Variants in TENM1 observed in about 807,000 individuals in gnomAD.
TENM1 encodes the protein teneurin transmembrane protein 1, also known as teneurin-1.
In TENM1, 35 loss-of-function variants were observed where a neutral mutation model predicts 174.8. The observed-to-expected ratio is 0.20, with a 90% CI of 0.15 to 0.27. The LOEUF (loss-of-function observed/expected upper bound fraction) is 0.27, where lower values mean the gene tolerates loss of function less well. Ranked by LOEUF, TENM1 falls within the 10% of genes least tolerant of loss-of-function variation. The pLI, the probability that TENM1 is intolerant of heterozygous loss-of-function variation, is 1.00. For missense variants in TENM1, 1,633 were observed against 2,130.1 expected, an observed-to-expected ratio of 0.77 and a Z score of 4.59; for synonymous variants, 781 against 798.7, an observed-to-expected ratio of 0.98 and a Z score of 0.37.
chrX:125,038,573 G>GA, the TENM1 span, among the ~76,000 whole-genome samples: 1 of 111,003 alleles, frequency 9.0e-6, no homozygotes, highest in African/African-American at 3.3e-5. Context: ...TTTCTCTGAG[G>GA]ACCGAACAGG....
chrX:124,938,220 T>A (rs940678281), intron 1 of TENM1, among the ~76,000 whole-genome samples: 11 of 111,619 alleles, frequency 9.9e-5, no homozygotes, highest in African/African-American at 2.3e-4. Context: ...AAAAGCAAGA[T>A]TTTTGGAAAT....
At chrX:125,162,333 G>C in the TENM1 span, among the ~76,000 whole-genome samples, 4 of 112,224 alleles carry the variant, frequency 3.6e-5, no homozygotes, top group African/African-American at 1.3e-4. Flanking sequence ...TTCTATCACT[G>C]ATGATGTGTG....
At chrX:125,199,481 G>T in the TENM1 span, among the ~76,000 whole-genome samples, 1 of 112,056 alleles carries the variant, frequency 8.9e-6, no homozygotes, top group South Asian at 3.7e-4. Context: ...ATAGAGCGGG[G>T]GTGGAGAATC....
Position 124,942,446 on chromosome X carries a change from C to T in TENM1, c.217+21091G>A, listed in dbSNP as rs374903986. Among the ~76,000 whole-genome samples the T allele has an allele frequency of 7.3e-4, 82 of 111,760 alleles. 1 individual carries two copies. The highest frequency in any genetic ancestry group is 2.5e-3 in the African/African-American group (77 of 30,834). The stretch of plus-strand genomic sequence containing the variant: ...ACCTTGAAGATTATGCTTTCCCCCC[C>T]GCCCCGCAGGGCTCACTATGAATAG... On this transcript the variant is annotated intron_variant, in intron 1 of 31. Coordinates refer to ENST00000422452, the Ensembl canonical transcript of TENM1.
In TENM1 at chrX:124,475,679, A is replaced by G. The variant is rs747214781; in HGVS notation, c.3949+6053T>C. On this transcript the variant is annotated intron_variant, in intron 22 of 31. Coordinates refer to ENST00000422452, the Ensembl canonical transcript of TENM1. ...CCTGGACAGTGTGCTCTTTTGGTCC[A>G]CCACCCTTTTTTCTGAAGGTTTCTG... is the stretch of plus-strand genomic sequence containing the variant. 6.3e-5 allele frequency among the ~76,000 whole-genome samples: 7 copies of G among 111,671 alleles called. No homozygotes were observed. The South Asian group carries it at 2.3e-3, about 37-fold the overall frequency.
chrX:124,614,563 T>C (rs1317998283), intron 11 of TENM1, among the ~76,000 whole-genome samples: 2 of 111,659 alleles, frequency 1.8e-5, no homozygotes, highest in Admixed American at 1.9e-4. Context: ...AGAAGTGGGG[T>C]TACCCAGACA....
At position 124,753,658 on chromosome X, in the gene TENM1, G is replaced by A. The variant is rs369125298; in HGVS notation, c.536-16461C>T. On this transcript the variant is annotated intron_variant, in intron 3 of 31. Transcript: ENST00000422452. ...GATAGCTCTTATTATTTTGAGATACGTCCCATTAATACCTAATTTATTGAG... is the reference window on the plus strand; with the variant it reads ...GATAGCTCTTATTATTTTGAGATACATCCCATTAATACCTAATTTATTGAG... 7.5e-4 allele frequency among the ~76,000 whole-genome samples: 83 copies of A among 110,782 alleles called. No individual in the cohort carries two copies. The East Asian group carries it at 0.022, about 30-fold the overall frequency.
chrX:125,178,624 C>T, the TENM1 span, among the ~76,000 whole-genome samples: 2 of 111,684 alleles, frequency 1.8e-5, no homozygotes, highest in African/African-American at 6.5e-5. Flanking sequence ...GGATATTCTG[C>T]CATACTTTGA....
At chrX:124,828,566 A>C (rs1233088351) in intron 3 of TENM1, among the ~76,000 whole-genome samples, 1 of 112,496 alleles carries the variant, frequency 8.9e-6, no homozygotes, top group Non-Finnish European at 1.9e-5. Context: ...TGACATTAAC[A>C]GTTGCTTTTA....
the TENM1 span, among the ~76,000 whole-genome samples, chrX:124,971,056 T>C: frequency 1.0e-5 from 1 of 100,418 alleles, no homozygotes; most frequent in Non-Finnish European, 2.0e-5. Context: ...AAACACCGCA[T>C]GTTCTCACTC....
chrX:124,509,903 T>C (rs1436810881), intron 18 of TENM1, among the ~76,000 whole-genome samples: 1 of 109,529 alleles, frequency 9.1e-6, no homozygotes, highest in Non-Finnish European at 1.9e-5. Context: ...TTTTTATTTT[T>C]AGTAGAGACG....
Position 124,542,108 on chromosome X carries a change from C to T in TENM1, c.2651+4766G>A, listed in dbSNP as rs977196109. 2.7e-5 allele frequency among the ~76,000 whole-genome samples: 3 copies of T among 112,271 alleles called. No homozygotes were observed. The Admixed American group carries it at 2.8e-4, about 11-fold the overall frequency. On this transcript the variant is annotated intron_variant, in intron 15 of 31. Coordinates refer to ENST00000422452, the Ensembl canonical transcript of TENM1. ...CCAGCCCCCAGTTATTTGAGTCATC[C>T]CAGCTGAGGCTTCCAACATCATGGA...
intron 19 of TENM1, among the ~76,000 whole-genome samples, chrX:124,498,348 T>C (rs1230288318): frequency 2.7e-5 from 3 of 111,020 alleles, no homozygotes; most frequent in African/African-American, 9.8e-5. Flanking sequence ...CAGATCTTCG[T>C]CCCCACTCCT....
the TENM1 span, among the ~76,000 whole-genome samples, chrX:125,058,270 G>C: frequency 9.0e-6 from 1 of 111,667 alleles, no homozygotes; most frequent in African/African-American, 3.2e-5. Flanking sequence ...ACTGAAATGA[G>C]GAATCATTTT....
chrX:124,967,787 C>T (rs2058745118), upstream of TENM1, among the ~76,000 whole-genome samples: 3 of 111,627 alleles, frequency 2.7e-5, no homozygotes, highest in South Asian at 1.1e-3. Context: ...AGCTCAGTCC[C>T]TCATCAGTTC....
At chrX:124,797,759 C>T (rs2055340735) in intron 3 of TENM1, among the ~76,000 whole-genome samples, 1 of 108,622 alleles carries the variant, frequency 9.2e-6, no homozygotes, top group Non-Finnish European at 1.9e-5. Context: ...TATATGTGTG[C>T]CTTGGTGGTT....
chrX:125,109,289 A>G, the TENM1 span, among the ~76,000 whole-genome samples: 1 of 112,406 alleles, frequency 8.9e-6, no homozygotes, highest in Non-Finnish European at 1.9e-5. Flanking sequence ...TTGTGATTAC[A>G]TAATCAAGGA....
intron 25 of TENM1, chrX:124,411,842 T>C (rs957064479): frequency 8.9e-6 from 1 of 112,330 alleles, no homozygotes; most frequent in African/African-American, 3.2e-5. Flanking sequence ...CTTTCCAGAC[T>C]GAGTGTCGAA....
At chrX:124,783,358 CAT>C (rs778309655) in intron 3 of TENM1, among the ~76,000 whole-genome samples, 1 of 111,289 alleles carries the variant, frequency 9.0e-6, no homozygotes, top group South Asian at 3.7e-4. Context: ...GTGTACATTA[CAT>C]AATTCTGTAC....
Sources: allele counts gnomAD v4.1 joint callset (sites outside exome capture counted in the v4.1 genomes callset), GRCh38; gene constraint gnomAD v4.1.1; transcripts MANE v1.5; gene names NCBI Gene and HGNC (gene_info 2026-07-23, HGNC 2026-07-21).